CNTLN: variants seen among roughly 807,000 people sequenced by gnomAD.
CNTLN encodes the protein centlein.
Under a neutral mutation model 180.0 loss-of-function variants are expected in CNTLN, and 212 were observed. The observed-to-expected ratio is 1.18, with a 90% CI of 1.05 to 1.32. The LOEUF (loss-of-function observed/expected upper bound fraction) is 1.32, where lower values mean the gene tolerates loss of function less well. CNTLN is among the 40% of genes most tolerant of loss of function. The pLI, the probability that CNTLN is intolerant of heterozygous loss-of-function variation, is 0.00. For synonymous variants in CNTLN, 722 were observed against 563.1 expected, an observed-to-expected ratio of 1.28 and a Z score of -3.99; for missense variants, 2,095 against 1,610.9, an observed-to-expected ratio of 1.30 and a Z score of -5.14.
At chr9:17,142,332 G>T (rs920681938) in intron 1 of CNTLN, among the ~76,000 whole-genome samples, 1 of 152,010 alleles carries the variant, frequency 6.6e-6, no homozygotes, top group African/African-American at 2.4e-5. Context: ...TTCTTCCACT[G>T]TGGCCCAGGG....
chr9:17,383,874 G>T (rs1383854767), intron 13 of CNTLN, among the ~76,000 whole-genome samples: 1 of 152,016 alleles, frequency 6.6e-6, no homozygotes, highest in African/African-American at 2.4e-5. Context: ...TCCTGACCTC[G>T]TGATCTGCCT....
intron 13 of CNTLN, among the ~76,000 whole-genome samples, chr9:17,371,233 C>G (rs530919107): frequency 5.3e-5 from 8 of 152,174 alleles, no homozygotes; most frequent in Non-Finnish European, 8.8e-5. Context: ...ATAAGAAACG[C>G]TTCATCTATA....
rs1826940994 is a variant in CNTLN, at chr9:17,261,135, G to T, written c.850-12598G>T. Among the ~76,000 whole-genome samples, 2 of 151,476 alleles carry T rather than the reference G, an allele frequency of 1.3e-5. 1 individual carries two copies. Among genetic ancestry groups the T allele is most frequent in the African/African-American group, 4.9e-5 (2 of 40,944 alleles). ...TGATGCATCTGGCTTTGTTCATTTT[G>T]CTTAGGATTGCTTTGTCTAATTGGG... On this transcript the variant is annotated intron_variant, in intron 5 of 25. Coordinates refer to ENST00000380647, the MANE Select transcript of CNTLN (RefSeq NM_017738.4).
intron 5 of CNTLN, among the ~76,000 whole-genome samples, chr9:17,247,369 G>A (rs1249269716): frequency 6.6e-6 from 1 of 152,180 alleles, no homozygotes; most frequent in Non-Finnish European, 1.5e-5. Context: ...CATGGTGCCA[G>A]CTGAGTTCTG....
intron 2 of CNTLN, among the ~76,000 whole-genome samples, chr9:17,154,062 T>A (rs1819088925): frequency 1.3e-5 from 2 of 152,184 alleles, no homozygotes; most frequent in Admixed American, 6.5e-5. Context: ...GACTGACTCT[T>A]TTTCAAGGTT....
Position 17,137,803 on chromosome 9 carries a change from A to T in CNTLN, c.360+2378A>T, listed in dbSNP as rs555577703. Among the ~76,000 whole-genome samples, 9 of 152,324 alleles carry T rather than the reference A, an allele frequency of 5.9e-5. 1 individual carries two copies. In the East Asian group the frequency reaches 1.7e-3, roughly 29 times the overall value. On this transcript the variant is annotated intron_variant, in intron 1 of 25. Transcript: ENST00000380647. ...GTAATTCCCCATACCATTCTACATCATTGGAATGCCTCAGAATAAGCATGT... is the reference window on the plus strand; with the variant it reads ...GTAATTCCCCATACCATTCTACATCTTTGGAATGCCTCAGAATAAGCATGT...
chr9:17,458,577 CTCA>C (rs2134165886), intron 19 of CNTLN, among the ~76,000 whole-genome samples: 1 of 152,014 alleles, frequency 6.6e-6, no homozygotes, highest in South Asian at 2.1e-4. Context: ...GTCAAATAGA[CTCA>C]TCATTGTTTT....
chr9:17,135,527 G>C lies in CNTLN; in HGVS notation c.360+102G>C. ...TCTGCCTTGGGACCTACCCCGCCCA[G>C]CGACGCTCCCTGGCAGATGCACACC... On this transcript the variant is annotated intron_variant, in intron 1 of 25. Transcript: ENST00000380647. 3 of 1,399,816 alleles carry C rather than the reference G, an allele frequency of 2.1e-6. No homozygotes were observed. The South Asian group carries it at 4.4e-5, about 20-fold the overall frequency. 86.7% of individuals were successfully genotyped at this position (1,399,816 alleles called of 1,614,324 possible).
intron 13 of CNTLN, among the ~76,000 whole-genome samples, chr9:17,371,314 A>C (rs1824297893): frequency 6.6e-6 from 1 of 152,208 alleles, no homozygotes; most frequent in Non-Finnish European, 1.5e-5. Flanking sequence ...AAAGAAGAGC[A>C]GGAGTAGCTA....
intron 6 of CNTLN, among the ~76,000 whole-genome samples, chr9:17,292,130 A>T (rs1450391237): frequency 6.6e-6 from 1 of 152,198 alleles, no homozygotes; most frequent in African/African-American, 2.4e-5. Flanking sequence ...AATGGCCCCC[A>T]ATCTCTTCTC....
intron 2 of CNTLN, among the ~76,000 whole-genome samples, chr9:17,178,146 G>T (rs1459835978): frequency 6.6e-6 from 1 of 151,694 alleles, no homozygotes; most frequent in Non-Finnish European, 1.5e-5. Flanking sequence ...AGACATAAAG[G>T]TTCTCCCAGT....
At chr9:17,237,354 T>TACACAC (rs59168012) in intron 5 of CNTLN, among the ~76,000 whole-genome samples, 282 of 106,478 alleles carry the variant, frequency 2.6e-3, no homozygotes, top group East Asian at 5.7e-3. Flanking sequence ...TATATGCCCC[T>TACACAC]ACACACACAC....
chr9:17,459,120 T>C (rs1244605617), intron 19 of CNTLN, among the ~76,000 whole-genome samples: 1 of 151,912 alleles, frequency 6.6e-6, no homozygotes, highest in Non-Finnish European at 1.5e-5. Flanking sequence ...CTAATCTGAC[T>C]TCTAAAAGAC....
At chr9:17,143,512 A>T (rs1818247546) in intron 2 of CNTLN, 136 bp downstream of exon 2, 4 of 660,892 alleles carry the variant, frequency 6.1e-6, no homozygotes, top group Non-Finnish European at 9.9e-6. Flanking sequence ...CTAAAAATTA[A>T]ATTGTTGGAT....
chr9:17,348,367 G>A (rs971511992), intron 12 of CNTLN, among the ~76,000 whole-genome samples: 1 of 152,116 alleles, frequency 6.6e-6, no homozygotes, highest in Admixed American at 6.5e-5. Flanking sequence ...TATCATGCCT[G>A]AGGGAGAAGG....
intron 23 of CNTLN, among the ~76,000 whole-genome samples, chr9:17,470,207 G>T (rs1256719738): frequency 6.6e-6 from 1 of 151,842 alleles, no homozygotes; most frequent in African/African-American, 2.4e-5. Flanking sequence ...TTGAGGAATT[G>T]ATTTACGTCT....
At chr9:17,315,033 T>A (rs1033548772) in intron 8 of CNTLN, among the ~76,000 whole-genome samples, 3 of 152,220 alleles carry the variant, frequency 2.0e-5, no homozygotes, top group African/African-American at 2.4e-5. Context: ...TAAAATATTA[T>A]TGTTGTAAAA....
chr9:17,301,704 A>C (rs1399778196), intron 7 of CNTLN: 2 of 957,746 alleles, frequency 2.1e-6, no homozygotes, highest in Non-Finnish European at 1.2e-6. Flanking sequence ...CAATTTGAAA[A>C]TATTCTTCTT....
chr9:17,176,927 CTTGATA>C (rs1272820677), intron 2 of CNTLN, among the ~76,000 whole-genome samples: 1 of 152,094 alleles, frequency 6.6e-6, no homozygotes, highest in Non-Finnish European at 1.5e-5. Flanking sequence ...AATCCTGTTT[CTTGATA>C]TTGATAACAG....
Sources: allele counts gnomAD v4.1 joint callset (sites outside exome capture counted in the v4.1 genomes callset), GRCh38; gene constraint gnomAD v4.1.1; transcripts MANE v1.5; gene names NCBI Gene and HGNC (gene_info 2026-07-23, HGNC 2026-07-21).